USF3: variants seen among roughly 807,000 people sequenced by gnomAD.
The protein encoded by USF3 is upstream transcription factor family member 3.
USF3 carries 29 observed loss-of-function variants against 157.5 expected under a neutral mutation model. The observed-to-expected ratio is 0.18, with a 90% CI of 0.14 to 0.25. USF3 has a LOEUF of 0.25. USF3 is among the 10% of genes least tolerant of loss of function. The pLI is 1.00. For missense variants in USF3, 2,381 were observed against 2,667.6 expected, an observed-to-expected ratio of 0.89 and a Z score of 2.37; for synonymous variants, 893 against 941.4, an observed-to-expected ratio of 0.95 and a Z score of 0.94.
At position 113,659,901 on chromosome 3, in the gene USF3, A is replaced by G. The variant is rs761670932; in HGVS notation, c.1781T>C (p.Leu594Pro). ...AACAGAACCAGGAGGTGGAGCAGGG[A>G]GGAGTGGCAAAGGATTCTGATTAGC... ...QAANQNPLPL[L>P]PAPPPGSVRL... The change falls in exon 7 of 7, where the codon CTC becomes CCC. Residue 594 changes from leucine (L) to proline (P), a missense_variant. Physicochemically the swap from Leu to Pro is moderately conservative, Grantham distance 98. Around this residue, in one of 6 missense-constraint regions of USF3, gnomAD observed 1,435 missense variants for 1,550.9 expected, o/e 0.93. Coordinates refer to ENST00000316407, the MANE Select transcript of USF3 (RefSeq NM_001009899.4). 1.2e-6 allele frequency: 2 copies of G among 1,614,178 alleles called. No homozygotes were observed. The highest frequency in any genetic ancestry group is 1.7e-6 in the Non-Finnish European group (2 of 1,180,034).
chr3:113,678,135 T>G (rs1374672655), intron 1 of USF3, among the ~76,000 whole-genome samples: 1 of 152,050 alleles, frequency 6.6e-6, no homozygotes, highest in African/African-American at 2.4e-5. Flanking sequence ...GAGAGGGATC[T>G]GAATTTTAAT....
At chr3:113,685,217 C>T (rs1707520410) in intron 1 of USF3, among the ~76,000 whole-genome samples, 1 of 152,132 alleles carries the variant, frequency 6.6e-6, no homozygotes, top group Non-Finnish European at 1.5e-5. Context: ...GAGTCTCTTT[C>T]TTCATGCTGA....
Position 113,670,143 on chromosome 3 carries a change from G to A in USF3, c.137C>T (p.Pro46Leu). The A allele has an allele frequency of 6.2e-7, 1 of 1,612,174 alleles. No homozygotes were observed. The highest frequency in any genetic ancestry group is 8.5e-7 in the Non-Finnish European group (1 of 1,178,256). Residue 46 changes from proline to leucine, a missense_variant, in exon 5 of 7, where the codon CCA (proline) becomes CTA (leucine). By Grantham distance (98) the Pro-to-Leu change is moderately conservative. Around this residue, in one of 6 missense-constraint regions of USF3, gnomAD observed 105 missense variants for 158.6 expected, o/e 0.66. Coordinates refer to ENST00000316407, the MANE Select transcript of USF3 (RefSeq NM_001009899.4). ...TACCTGCTTCAGGGCAGGAGAACAT[G>A]GGATCAGCTCTCCTATTCTGTTTAT... The part of the protein sequence containing the change: ...AGINRIGELI[P>L]CSPALKQSKN...
Position 113,657,740 on chromosome 3 carries a change from C to G in USF3, c.3942G>C (p.Glu1314Asp). The change falls in exon 7 of 7, where the codon GAG becomes GAC. Residue 1314 changes from glutamate (E) to aspartate (D), a missense_variant. Coordinates refer to ENST00000316407, the MANE Select transcript of USF3 (RefSeq NM_001009899.4). Reference sequence around the variant, plus strand: ...TTTCATGGCTTGGCTTTAAGAGTGGCTCTTGAATCTGTGAATTTGGTATGG... The same window carrying G: ...TTTCATGGCTTGGCTTTAAGAGTGGGTCTTGAATCTGTGAATTTGGTATGG... The part of the protein sequence containing the change: ...TSTIPNSQIQ[E>D]PLLKPSHESR... 1.2e-6 allele frequency: 2 copies of G among 1,614,102 alleles called. No individual in the cohort carries two copies. The highest frequency in any genetic ancestry group is 1.7e-6 in the Non-Finnish European group (2 of 1,180,018).
intron 1 of USF3, among the ~76,000 whole-genome samples, chr3:113,687,282 T>C (rs1707579333): frequency 6.7e-6 from 1 of 149,694 alleles, no homozygotes; most frequent in African/African-American, 2.5e-5. Context: ...TTCTAGTACT[T>C]CCTTACTTTT....
intron 6 of USF3, among the ~76,000 whole-genome samples, chr3:113,663,532 C>A (rs1298914902): frequency 6.6e-6 from 1 of 152,144 alleles, no homozygotes; most frequent in African/African-American, 2.4e-5. Flanking sequence ...GTAGGCTTTC[C>A]AATATCTTTC....
At chr3:113,671,794 G>T (rs1707158910) in intron 4 of USF3, among the ~76,000 whole-genome samples, 2 of 120,758 alleles carry the variant, frequency 1.7e-5, no homozygotes, top group African/African-American at 3.2e-5. Context: ...TTTGAGACAA[G>T]GTGTTGTTCC....
Position 113,660,302 on chromosome 3 carries a change from C to T in USF3, c.1380G>A (p.Glu460=), listed in dbSNP as rs1300224652. The change falls in exon 7 of 7, where the codon GAG becomes GAA. Residue 460 remains glutamate (E), a synonymous_variant. Transcript: ENST00000316407. ...TGCTTGTGGTGGGGCTAGTACCAGA[C>T]TCATTTAATACTGGAGTCACAGCAG... ...PSSAVTPVLN[E]SGTSPTTSNH... 1.9e-6 allele frequency: 3 copies of T among 1,614,160 alleles called. No homozygotes were observed. Among genetic ancestry groups the T allele is most frequent in the South Asian group, 1.1e-5 (1 of 91,080 alleles).
At chr3:113,682,352 A>AAC (rs1424436797) in intron 1 of USF3, among the ~76,000 whole-genome samples, 1 of 141,270 alleles carries the variant, frequency 7.1e-6, no homozygotes, top group African/African-American at 2.5e-5. Context: ...CAAACAAACA[A>AAC]AAAAAAAAAA....
intron 3 of USF3, 68 bp downstream of exon 3, chr3:113,674,764 G>A (rs1559718651): frequency 1.5e-6 from 2 of 1,296,672 alleles, no homozygotes. Flanking sequence ...TACCTATGTA[G>A]CAAAATAGGA....
At position 113,657,644 on chromosome 3, in the gene USF3, G is replaced by A; in HGVS notation, c.4038C>T (p.His1346=). The A allele has an allele frequency of 6.2e-7, 1 of 1,614,232 alleles. No homozygotes were observed. The highest frequency in any genetic ancestry group is 8.5e-7 in the Non-Finnish European group (1 of 1,180,038). The stretch of plus-strand genomic sequence containing the variant: ...CAAGCCTGAGGGGGGCTGGCTGACA[G>A]TGCTTTTGACGTTTAGCTGAAGACA... ...LLLSSAKRQK[H]CQPAPLRLES... Residue 1346 remains histidine (H), a synonymous_variant, in exon 7 of 7, where the codon CAC becomes CAT. Coordinates refer to ENST00000316407, the MANE Select transcript of USF3 (RefSeq NM_001009899.4).
At chr3:113,673,143 A>T (rs1707198297) in intron 4 of USF3, among the ~76,000 whole-genome samples, 1 of 152,254 alleles carries the variant, frequency 6.6e-6, no homozygotes, top group Non-Finnish European at 1.5e-5. Flanking sequence ...TTATCTAAAT[A>T]GACTATGAAT....
In USF3 at chr3:113,652,040, A is replaced by G. The variant is rs1407879267; in HGVS notation, c.*2904T>C. 1.3e-5 allele frequency: 2 copies of G among 151,774 alleles called. No homozygotes were observed. Among genetic ancestry groups the G allele is most frequent in the East Asian group, 3.9e-4 (2 of 5,158 alleles). 9.4% of individuals were successfully genotyped at this position (151,774 alleles called of 1,614,324 possible). A position where few individuals can be genotyped will look rare whatever the true frequency, so the allele number is the denominator to read the frequency against. On this transcript the variant is annotated 3_prime_UTR_variant, in exon 7 of 7. Transcript: ENST00000316407. The stretch of plus-strand genomic sequence containing the variant: ...TCCTTAGCCTGTTACCTTACTTTCA[A>G]TTATGTCTAGCAGTCCCCAGTCCTT...
Position 113,659,626 on chromosome 3 carries a change from T to G in USF3, c.2056A>C (p.Thr686Pro), listed in dbSNP as rs1217270430. 1 of 1,614,050 alleles carries G rather than the reference T, an allele frequency of 6.2e-7. No homozygotes were observed. The highest frequency in any genetic ancestry group is 8.5e-7 in the Non-Finnish European group (1 of 1,179,960). The change falls in exon 7 of 7, where the codon ACC becomes CCC. Residue 686 changes from threonine to proline, a missense_variant. Transcript: ENST00000316407. ...VMSSSGTTNQ[T>P]PMQIIQPTTS... ...GTGGGTTGAATAATTTGCATAGGGG[T>G]TTGATTTGTAGTTCCTGATGAAGAC... is the stretch of plus-strand genomic sequence containing the variant.
At chr3:113,691,891 T>C (rs1299390476) in intron 1 of USF3, among the ~76,000 whole-genome samples, 1 of 152,196 alleles carries the variant, frequency 6.6e-6, no homozygotes, top group Non-Finnish European at 1.5e-5. Context: ...GAACTCTTCA[T>C]TATCCTCTTT....
intron 1 of USF3, among the ~76,000 whole-genome samples, chr3:113,691,908 T>C (rs1412795518): frequency 6.6e-6 from 1 of 152,212 alleles, no homozygotes; most frequent in Non-Finnish European, 1.5e-5. Flanking sequence ...CTTTAAAGAT[T>C]TCTCTGACCC....
At chr3:113,664,987 T>A (rs1328178219) in intron 5 of USF3, among the ~76,000 whole-genome samples, 1 of 152,242 alleles carries the variant, frequency 6.6e-6, no homozygotes, top group Non-Finnish European at 1.5e-5. Context: ...ACTTCCCACC[T>A]TCCAGAACTG....
rs931769368 is a variant in USF3, at chr3:113,651,117, A to G, written c.*3827T>C. ...AGAATCTGGAATTTTACCCTTCATT[A>G]GAAGTTATTGTTAAATGTTGAAAGG... On this transcript the variant is annotated 3_prime_UTR_variant, in exon 7 of 7. Coordinates refer to ENST00000316407, the MANE Select transcript of USF3 (RefSeq NM_001009899.4). The G allele has an allele frequency of 2.0e-5, 3 of 152,216 alleles. No individual in the cohort carries two copies. Among genetic ancestry groups the G allele is most frequent in the Admixed American group, 1.3e-4 (2 of 15,274 alleles). 9.4% of individuals were successfully genotyped at this position (152,216 alleles called of 1,614,324 possible).
Position 113,656,451 on chromosome 3 carries a change from T to C in USF3, c.5231A>G (p.Gln1744Arg), listed in dbSNP as rs745306586. The change falls in exon 7 of 7, where the codon CAA becomes CGA. Residue 1744 changes from glutamine (Q) to arginine (R), a missense_variant. Physicochemically the swap from Gln to Arg is conservative, Grantham distance 43. Transcript: ENST00000316407. ...TACTTCAAAATTACTCTGGGGCTGT[T>C]GACTAGCTCCACTTGGTTTAAACGT... ...CQTFKPSGAS[Q>R]QPQSNFEVQS... 1.7e-5 allele frequency: 28 copies of C among 1,614,102 alleles called. No individual in the cohort carries two copies. Among genetic ancestry groups the C allele is most frequent in the Non-Finnish European group, 1.9e-5 (22 of 1,180,054 alleles).
Sources: gnomAD v4.1 joint callset for allele counts (sites outside exome capture counted in the v4.1 genomes callset) on GRCh38, gnomAD v4.1.1 for gene constraint, gnomAD v4.1.1 regional missense constraint, MANE v1.5 for transcripts, NCBI Gene and HGNC (gene_info 2026-07-23, HGNC 2026-07-21) for gene names.